The following KCNQ3 variants were observed in gnomAD, a reference collection of about 807,000 sequenced individuals.
KCNQ3 encodes potassium voltage-gated channel subfamily Q member 3.
Under a neutral mutation model 92.5 loss-of-function variants are expected in KCNQ3, and 30 were observed. The observed-to-expected ratio is 0.32, with a 90% CI of 0.24 to 0.44. KCNQ3 has a LOEUF of 0.44. Ranked by LOEUF, KCNQ3 falls within the 20% of genes least tolerant of loss-of-function variation. KCNQ3 has a pLI of 1.00. For synonymous variants in KCNQ3, 450 were observed against 468.8 expected (o/e 0.96, Z 0.52); for missense variants, 913 against 1,140.3 (o/e 0.80, Z 2.87).
intron 1 of KCNQ3, among the ~76,000 whole-genome samples, chr8:132,227,913 G>A (rs986242824): frequency 6.6e-6 from 1 of 152,040 alleles, no homozygotes; most frequent in African/African-American, 2.4e-5. Context: ...TGAAGTTGGT[G>A]CTGTTATACC....
At chr8:132,295,465 G>A (rs1287921518) in intron 1 of KCNQ3, among the ~76,000 whole-genome samples, 1 of 152,226 alleles carries the variant, frequency 6.6e-6, no homozygotes, top group East Asian at 1.9e-4. Context: ...CAGTGTGGAA[G>A]ACCATGTGGC....
chr8:132,149,793 T>C (rs1825578836), intron 9 of KCNQ3, among the ~76,000 whole-genome samples: 1 of 152,034 alleles, frequency 6.6e-6, no homozygotes, highest in East Asian at 1.9e-4. Context: ...CCAACGGCCA[T>C]GCAGGGTAAG....
intron 9 of KCNQ3, among the ~76,000 whole-genome samples, chr8:132,146,927 G>A (rs1208498811): frequency 2.0e-5 from 3 of 152,090 alleles, no homozygotes; most frequent in Non-Finnish European, 4.4e-5. Flanking sequence ...CAAAGTGCTG[G>A]GATTAGAGGC....
At chr8:132,351,703 G>A (rs1818872136) in intron 1 of KCNQ3, among the ~76,000 whole-genome samples, 1 of 152,142 alleles carries the variant, frequency 6.6e-6, no homozygotes, top group Admixed American at 6.5e-5. Flanking sequence ...CCACTTGGAA[G>A]CAGGTGACTG....
chr8:132,294,366 C>T (rs1816954565), intron 1 of KCNQ3, among the ~76,000 whole-genome samples: 1 of 152,074 alleles, frequency 6.6e-6, no homozygotes, highest in African/African-American at 2.4e-5. Flanking sequence ...AGGCAGGGGA[C>T]TGGGGGTGTT....
chr8:132,449,839 C>A (rs1005206972), intron 1 of KCNQ3, among the ~76,000 whole-genome samples: 3 of 152,236 alleles, frequency 2.0e-5, no homozygotes, highest in Admixed American at 1.3e-4. Context: ...CCACTGAGGC[C>A]TTAAAGTTTT....
At chr8:132,258,737 C>A (rs1815676168) in intron 1 of KCNQ3, among the ~76,000 whole-genome samples, 1 of 151,800 alleles carries the variant, frequency 6.6e-6, no homozygotes, top group Non-Finnish European at 1.5e-5. Flanking sequence ...AAAAGATCAA[C>A]AAAATTCACA....
At chr8:132,437,305 A>T (rs1271406019) in intron 1 of KCNQ3, among the ~76,000 whole-genome samples, 2 of 151,242 alleles carry the variant, frequency 1.3e-5, no homozygotes, top group Non-Finnish European at 2.9e-5. Flanking sequence ...AAAAAATAAA[A>T]AAAATAAAAA....
intron 1 of KCNQ3, among the ~76,000 whole-genome samples, chr8:132,460,563 G>A (rs749621644): frequency 4.6e-5 from 7 of 152,240 alleles, no homozygotes; most frequent in South Asian, 2.1e-4. Context: ...CAGCACTTAC[G>A]TACTAGGCCT....
chr8:132,153,875 T>C (rs1825712750), intron 9 of KCNQ3, among the ~76,000 whole-genome samples: 1 of 152,102 alleles, frequency 6.6e-6, no homozygotes, highest in Non-Finnish European at 1.5e-5. Context: ...CCCTAGGTAT[T>C]TGCTAGGAAG....
At chr8:132,197,556 C>G (rs763381147) in intron 1 of KCNQ3, among the ~76,000 whole-genome samples, 16 of 152,192 alleles carry the variant, frequency 1.1e-4, no homozygotes, top group Non-Finnish European at 2.1e-4. Flanking sequence ...TGGGCAGGCA[C>G]AGTGGGAATC....
At chr8:132,234,633 A>G (rs1033955499) in intron 1 of KCNQ3, among the ~76,000 whole-genome samples, 2 of 152,216 alleles carry the variant, frequency 1.3e-5, no homozygotes, top group Non-Finnish European at 2.9e-5. Context: ...TGATTTTCAC[A>G]ACAAACACAC....
intron 1 of KCNQ3, among the ~76,000 whole-genome samples, chr8:132,381,790 C>T (rs1819758231): frequency 6.6e-6 from 1 of 152,236 alleles, no homozygotes; most frequent in Admixed American, 6.5e-5. Context: ...CCCAGAGAGA[C>T]CTTCCCTTTA....
At chr8:132,356,964 A>G (rs528862060) in intron 1 of KCNQ3, among the ~76,000 whole-genome samples, 2 of 152,290 alleles carry the variant, frequency 1.3e-5, no homozygotes, top group East Asian at 3.9e-4. Flanking sequence ...TTTTACAGTC[A>G]CGTGGCTCAG....
chr8:132,208,726 C>T (rs918437334), intron 1 of KCNQ3, among the ~76,000 whole-genome samples: 2 of 152,226 alleles, frequency 1.3e-5, no homozygotes, highest in African/African-American at 2.4e-5. Flanking sequence ...CCCTGCAAAA[C>T]GGGTCTAATC....
chr8:132,419,104 G>A (rs1820898104), intron 1 of KCNQ3, among the ~76,000 whole-genome samples: 2 of 152,156 alleles, frequency 1.3e-5, no homozygotes, highest in Admixed American at 1.3e-4. Context: ...ATCTAAAAAG[G>A]TCAATACAAT....
intron 1 of KCNQ3, among the ~76,000 whole-genome samples, chr8:132,382,925 G>A (rs918790229): frequency 6.6e-6 from 1 of 152,186 alleles, no homozygotes; most frequent in South Asian, 2.1e-4. Context: ...CTGTAAAATG[G>A]AGCTAAGGCA....
intron 11 of KCNQ3, among the ~76,000 whole-genome samples, chr8:132,138,763 T>C (rs1037311860): frequency 1.3e-5 from 2 of 152,238 alleles, no homozygotes; most frequent in Admixed American, 1.3e-4. Context: ...TTCCATCTGG[T>C]GCTTGCGCAA....
At chr8:132,449,330 C>T (rs1821767240) in intron 1 of KCNQ3, among the ~76,000 whole-genome samples, 1 of 151,982 alleles carries the variant, frequency 6.6e-6, no homozygotes, top group African/African-American at 2.4e-5. Flanking sequence ...GACCGTGAAA[C>T]CCAGTGGCCA....
Sources: gnomAD v4.1 joint callset for allele counts (sites outside exome capture counted in the v4.1 genomes callset) on GRCh38, gnomAD v4.1.1 for gene constraint, MANE v1.5 for transcripts, NCBI Gene and HGNC (gene_info 2026-07-23, HGNC 2026-07-21) for gene names.